Variants in FAM76A observed in about 807,000 individuals in gnomAD.
FAM76A encodes protein FAM76A.
In FAM76A, 32 loss-of-function variants were observed where a neutral mutation model predicts 46.2. That is an observed-to-expected ratio of 0.69 (90% CI 0.52 to 0.93). FAM76A has a LOEUF of 0.93. Among genes scored for constraint, FAM76A ranks in the 40% least tolerant of loss-of-function variants. The pLI is 0.00. For synonymous variants in FAM76A, 137 were observed against 127.0 expected, an observed-to-expected ratio of 1.08 and a Z score of -0.53; for missense variants, 274 against 361.5, an observed-to-expected ratio of 0.76 and a Z score of 1.96.
At chr1:27,760,037 T>C (rs891900358) in intron 8 of FAM76A, 1 of 457,746 alleles carries the variant, frequency 2.2e-6, no homozygotes, top group African/African-American at 2.0e-5. Flanking sequence ...CCTCACAAAG[T>C]GCTAGGATTA....
At chr1:27,738,883 A>G (rs1263411580) in intron 4 of FAM76A, among the ~76,000 whole-genome samples, 1 of 152,216 alleles carries the variant, frequency 6.6e-6, no homozygotes, top group African/African-American at 2.4e-5. Flanking sequence ...GGTGGTAGCC[A>G]TGGGAAGCTC....
intron 5 of FAM76A, among the ~76,000 whole-genome samples, chr1:27,746,014 C>T (rs1024192247): frequency 1.3e-5 from 2 of 152,006 alleles, no homozygotes; most frequent in African/African-American, 4.8e-5. Context: ...ACCAAATCTT[C>T]ATTTAAAAAA....
intron 5 of FAM76A, among the ~76,000 whole-genome samples, chr1:27,745,346 GAT>G (rs2088224798): frequency 6.6e-6 from 1 of 152,098 alleles, no homozygotes; most frequent in African/African-American, 2.4e-5. Flanking sequence ...TGAGGGAAGT[GAT>G]AGTATTACCT....
At chr1:27,733,743 G>A (rs948996763) in intron 3 of FAM76A, among the ~76,000 whole-genome samples, 4 of 152,078 alleles carry the variant, frequency 2.6e-5, no homozygotes, top group African/African-American at 4.8e-5. Context: ...CAGCTACTCC[G>A]GAGGCTGAGG....
intron 6 of FAM76A, 62 bp from the exon 7 acceptor site, chr1:27,755,133 C>T: frequency 6.3e-7 from 1 of 1,591,990 alleles, no homozygotes; most frequent in South Asian, 1.1e-5. Context: ...AGGATGCATC[C>T]TCAGGTAGAG....
chr1:27,742,757 A>G (rs954929687), intron 4 of FAM76A, among the ~76,000 whole-genome samples: 5 of 152,182 alleles, frequency 3.3e-5, no homozygotes, highest in African/African-American at 9.7e-5. Flanking sequence ...TCACCACAAA[A>G]AAACAAACAA....
At chr1:27,747,834 C>G (rs1203903018) in intron 5 of FAM76A, among the ~76,000 whole-genome samples, 2 of 152,044 alleles carry the variant, frequency 1.3e-5, no homozygotes, top group African/African-American at 4.8e-5. Context: ...GTGGAAGGAT[C>G]ACTTGAAGCC....
At chr1:27,728,602 G>C (rs554732033) in intron 2 of FAM76A, among the ~76,000 whole-genome samples, 103 of 151,824 alleles carry the variant, frequency 6.8e-4, no homozygotes, top group Non-Finnish European at 9.9e-4. Flanking sequence ...TTCCTTCCTC[G>C]TTAGCCTCTC....
chr1:27,736,205 C>G (rs2088041412), intron 4 of FAM76A, among the ~76,000 whole-genome samples: 1 of 152,058 alleles, frequency 6.6e-6, no homozygotes, highest in Non-Finnish European at 1.5e-5. Context: ...ACCTGTAATC[C>G]CAGCTACTTG....
At chr1:27,737,868 CAAAAAAAAA>C (rs71571865) in intron 4 of FAM76A, among the ~76,000 whole-genome samples, 16 of 62,704 alleles carry the variant, frequency 2.6e-4, no homozygotes, top group South Asian at 1.5e-3. Flanking sequence ...ACAACAACAA[CAAAAAAAAA>C]AAAAAAAAAA....
At chr1:27,758,605 G>A (rs1170972389) in intron 7 of FAM76A, among the ~76,000 whole-genome samples, 2 of 151,588 alleles carry the variant, frequency 1.3e-5, no homozygotes, top group Admixed American at 6.6e-5. Context: ...TGGCTCAAGC[G>A]ATCCTCCCAC....
rs141070086 is a variant in FAM76A at position 27,753,780 on chromosome 1, G to T, written c.600-1415G>T. Among the ~76,000 whole-genome samples the T allele has an allele frequency of 1.1e-4, 16 of 152,308 alleles. 1 individual carries two copies. The highest frequency in any genetic ancestry group is 9.8e-4 in the Admixed American group (15 of 15,294). ...AGAGAAATGTTGGCTATTAGATGTG[G>T]TTTAGGATATAAGAACAGTGAGTCG... On this transcript the variant is annotated intron_variant, in intron 6 of 8. Transcript: ENST00000373954.
chr1:27,749,172 T>C lies in FAM76A; in HGVS notation c.599+18T>C. ...GGAGACAGGTGAGCCAGTTGGAGTATGTGTGCGCACACATTTGAAATGCAT... is the reference window on the plus strand; with the variant it reads ...GGAGACAGGTGAGCCAGTTGGAGTACGTGTGCGCACACATTTGAAATGCAT... On this transcript the variant is annotated intron_variant, in intron 6 of 8. Coordinates refer to ENST00000373954, the MANE Select transcript of FAM76A (RefSeq NM_152660.3). 6.4e-7 allele frequency: 1 copy of C among 1,558,544 alleles called. No homozygotes were observed. The highest frequency in any genetic ancestry group is 2.3e-5 in the East Asian group (1 of 44,178).
At chr1:27,750,188 A>G (rs1466641477) in intron 6 of FAM76A, among the ~76,000 whole-genome samples, 1 of 152,218 alleles carries the variant, frequency 6.6e-6, no homozygotes, top group Non-Finnish European at 1.5e-5. Context: ...GCAGACCAGC[A>G]TATAGGCTTA....
Position 27,727,489 on chromosome 1 carries a change from C to T in FAM76A, c.99C>T (p.His33=), listed in dbSNP as rs561062001. 34 of 1,613,648 alleles carry T rather than the reference C, an allele frequency of 2.1e-5. 1 individual carries two copies. Among genetic ancestry groups the T allele is most frequent in the South Asian group, 1.8e-4 (16 of 91,072 alleles). ...QQLCKECRIA[H]PVVKCTYCRT... is the part of the protein sequence containing the mutation. Reference sequence around the variant, plus strand: ...CATTTCAGGAATGTCGGATTGCACACCCTGTTGTGAAGTGCACCTACTGCA... The same window carrying T: ...CATTTCAGGAATGTCGGATTGCACATCCTGTTGTGAAGTGCACCTACTGCA... Residue 33 remains histidine, a synonymous_variant, in exon 2 of 9, where the codon CAC becomes CAT. Transcript: ENST00000373954.
chr1:27,739,772 T>G (rs866962332), intron 4 of FAM76A, among the ~76,000 whole-genome samples: 1 of 152,176 alleles, frequency 6.6e-6, no homozygotes, highest in Non-Finnish European at 1.5e-5. Context: ...TGGGCGAGAT[T>G]GTGAGACCCT....
intron 4 of FAM76A, among the ~76,000 whole-genome samples, chr1:27,736,006 G>C (rs1356850379): frequency 6.6e-6 from 1 of 152,054 alleles, no homozygotes; most frequent in Non-Finnish European, 1.5e-5. Context: ...CTTTAGGAGA[G>C]AGCTAAATTT....
chr1:27,745,352 ATTACCT>A (rs2088224936), intron 5 of FAM76A, among the ~76,000 whole-genome samples: 2 of 152,200 alleles, frequency 1.3e-5, no homozygotes, highest in South Asian at 4.1e-4. Flanking sequence ...AAGTGATAGT[ATTACCT>A]CAAGGGGTTG....
rs116093807 is a variant in FAM76A at position 27,733,228 on chromosome 1, G to A, written c.201+571G>A. ...ATCACAGGCGTGAGCCACTGCACCC[G>A]GCAAGATGAATTTTTATAACTTTGA... On this transcript the variant is annotated intron_variant, in intron 3 of 8. Coordinates refer to ENST00000373954, the MANE Select transcript of FAM76A (RefSeq NM_152660.3). 9.4e-3 allele frequency among the ~76,000 whole-genome samples: 1,434 copies of A among 152,214 alleles called. 33 individuals are homozygous for A. The highest frequency in any genetic ancestry group is 0.033 in the African/African-American group (1,364 of 41,534).
Sources: gnomAD v4.1 joint callset for allele counts (sites outside exome capture counted in the v4.1 genomes callset) on GRCh38, gnomAD v4.1.1 for gene constraint, MANE v1.5 for transcripts, NCBI Gene and HGNC (gene_info 2026-07-23, HGNC 2026-07-21) for gene names.